Variants in AP1B1 observed in about 807,000 individuals in gnomAD.
AP1B1 encodes AP-1 complex subunit beta-1.
Under a neutral mutation model 104.3 loss-of-function variants are expected in AP1B1, and 36 were observed. That is an observed-to-expected ratio of 0.35 (90% CI 0.26 to 0.46). AP1B1 has a LOEUF of 0.46. Among genes scored for constraint, AP1B1 ranks in the 20% least tolerant of loss-of-function variants. The pLI is 1.00. For missense variants in AP1B1, 901 were observed against 1,247.9 expected (o/e 0.72, Z 4.19); for synonymous variants, 504 against 517.5 (o/e 0.97, Z 0.35).
chr22:29,351,747 C>T lies in AP1B1; in HGVS notation c.1017G>A (p.Leu339=). The change falls in exon 8 of 23, where the codon CTG becomes CTA. Residue 339 remains leucine (L), a synonymous_variant. Coordinates refer to ENST00000357586, the MANE Select transcript of AP1B1 (RefSeq NM_001127.4). Reference sequence around the variant, plus strand: ...GAGAGGCCAGGCGGATCATGATGTCCAGCTTCTCCAGCTTCACGTAGATAG... The same window carrying T: ...GAGAGGCCAGGCGGATCATGATGTCTAGCTTCTCCAGCTTCACGTAGATAG... ...NDPIYVKLEK[L]DIMIRLASQA... 3 of 1,614,178 alleles carry T rather than the reference C, an allele frequency of 1.9e-6. No individual in the cohort carries two copies. In the South Asian group the frequency reaches 3.3e-5, roughly 18 times the overall value.
Position 29,388,527 on chromosome 22 carries a change from G to A in AP1B1, c.-131C>T, listed in dbSNP as rs1024595474. 1.3e-5 allele frequency: 2 copies of A among 152,170 alleles called. No individual in the cohort carries two copies. Among genetic ancestry groups the A allele is most frequent in the Non-Finnish European group, 2.9e-5 (2 of 68,038 alleles). The allele number at this position is 152,170 out of a possible 1,614,324, so 9.4% of individuals were successfully genotyped here. A position where few individuals can be genotyped will look rare whatever the true frequency, so the allele number is the denominator to read the frequency against. ...CTCCCGGTGCGTCCGGGCTGCCGGCGGCTCGGAGCCCCGCGGCTGTCACCT... is the reference window on the plus strand; with the variant it reads ...CTCCCGGTGCGTCCGGGCTGCCGGCAGCTCGGAGCCCCGCGGCTGTCACCT... On this transcript the variant is annotated 5_prime_UTR_variant, in exon 1 of 23. Coordinates refer to ENST00000357586, the MANE Select transcript of AP1B1 (RefSeq NM_001127.4).
At chr22:29,378,799 CA>C (rs905203101) in intron 1 of AP1B1, among the ~76,000 whole-genome samples, 1 of 144,972 alleles carries the variant, frequency 6.9e-6, no homozygotes, top group Admixed American at 7.2e-5. Flanking sequence ...GCGGAGCTTG[CA>C]GTGAGCTGAG....
intron 2 of AP1B1, among the ~76,000 whole-genome samples, 189 bp from the exon 3 acceptor site, chr22:29,363,295 A>T (rs1265321258): frequency 6.6e-6 from 1 of 152,172 alleles, no homozygotes; most frequent in African/African-American, 2.4e-5. Context: ...GACAGGAATT[A>T]ACAAGATGGA....
rs2061557149 is a variant in AP1B1, at chr22:29,331,514, ATGT to A, written c.2456_2458del (p.Asn819del). On this transcript the variant is annotated inframe_deletion, in exon 19 of 23. Transcript: ENST00000357586. ...CAAGGTGCTGAAGTAGAAGACATCG[ATGT>A]TGTTCTTCACGGCCACCTAGGCACA... The A allele has an allele frequency of 6.2e-7, 1 of 1,614,126 alleles. No individual in the cohort carries two copies. Among genetic ancestry groups the A allele is most frequent in the Non-Finnish European group, 8.5e-7 (1 of 1,180,020 alleles).
chr22:29,363,697 C>T (rs2062087610), intron 2 of AP1B1, among the ~76,000 whole-genome samples: 1 of 151,752 alleles, frequency 6.6e-6, no homozygotes, highest in South Asian at 2.1e-4. Context: ...AGTTTGAGAT[C>T]AGCCTGGGTA....
At chr22:29,360,278 C>A (rs1244593709) in intron 3 of AP1B1, among the ~76,000 whole-genome samples, 1 of 152,192 alleles carries the variant, frequency 6.6e-6, no homozygotes, top group Non-Finnish European at 1.5e-5. Context: ...CCTTTGTCAC[C>A]TGCCCCCTCG....
At position 29,339,321 on chromosome 22, in the gene AP1B1, C is replaced by T. The variant is rs3747146; in HGVS notation, c.2020-188G>A. ...GTGGAGAAGAGAGGCTGAGCCCTCC[C>T]GTGCCCTGCAAGCCTTGAGCCTTAG... is the stretch of plus-strand genomic sequence containing the variant. On this transcript the variant is annotated intron_variant, in intron 15 of 22. Coordinates refer to ENST00000357586, the MANE Select transcript of AP1B1 (RefSeq NM_001127.4). Among the ~76,000 whole-genome samples the T allele has an allele frequency of 0.2, 30,246 of 151,952 alleles. 3,219 individuals carry two copies. The highest frequency in any genetic ancestry group is 0.36 in the East Asian group (1,865 of 5,152).
chr22:29,369,844 T>C (rs2062203734), intron 1 of AP1B1, among the ~76,000 whole-genome samples: 3 of 151,420 alleles, frequency 2.0e-5, no homozygotes, highest in South Asian at 4.2e-4. Context: ...ACGATTTTTT[T>C]TTTTTTTTTT....
rs754230380 is a variant in AP1B1, at chr22:29,350,137, C to T, written c.1169G>A (p.Arg390His). 17 of 1,613,900 alleles carry T rather than the reference C, an allele frequency of 1.1e-5. No homozygotes were observed. Among genetic ancestry groups the T allele is most frequent in the Non-Finnish European group, 1.3e-5 (15 of 1,179,924 alleles). Residue 390 changes from arginine (R) to histidine (H), a missense_variant, in exon 10 of 23, where the codon CGC (arginine) becomes CAC (histidine). Arg to His is a conservative substitution (Grantham distance 29, BLOSUM62 0). Transcript: ENST00000357586. ...CAIKVEQSAE[R>H]CVSTLLDLIQ... ...GAGGTCGAGCAGCGTGCTCACACAGCGCTCCGCAGATTGCTGCATGGGAAG... is the reference window on the plus strand; with the variant it reads ...GAGGTCGAGCAGCGTGCTCACACAGTGCTCCGCAGATTGCTGCATGGGAAG...
intron 16 of AP1B1, among the ~76,000 whole-genome samples, chr22:29,335,721 C>T (rs1303218703): frequency 6.6e-6 from 1 of 152,200 alleles, no homozygotes. Context: ...CCCATCTGCT[C>T]CCCAGGCTTG....
At chr22:29,362,131 C>G (rs2148009626) in intron 3 of AP1B1, among the ~76,000 whole-genome samples, 1 of 152,282 alleles carries the variant, frequency 6.6e-6, no homozygotes, top group African/African-American at 2.4e-5. Context: ...AGCTGGGTCA[C>G]TGGGCGCTCC....
chr22:29,351,756 C>T lies in AP1B1; in HGVS notation c.1008G>A (p.Leu336=), dbSNP rs2061878707. ...VKYNDPIYVK[L]EKLDIMIRLA... is the part of the protein sequence containing the mutation. ...GGCGGATCATGATGTCCAGCTTCTCCAGCTTCACGTAGATAGGGTCGTTGT... is the reference window on the plus strand; with the variant it reads ...GGCGGATCATGATGTCCAGCTTCTCTAGCTTCACGTAGATAGGGTCGTTGT... The change falls in exon 8 of 23, where the codon CTG becomes CTA. Residue 336 remains leucine, a synonymous_variant. Transcript: ENST00000357586. 1.9e-6 allele frequency: 3 copies of T among 1,614,202 alleles called. No homozygotes were observed. The highest frequency in any genetic ancestry group is 2.5e-6 in the Non-Finnish European group (3 of 1,180,036).
chr22:29,356,895 AGC>A (rs1263091396), intron 5 of AP1B1, among the ~76,000 whole-genome samples: 2 of 152,210 alleles, frequency 1.3e-5, no homozygotes, highest in African/African-American at 4.8e-5. Flanking sequence ...CTAACACAGC[AGC>A]GCCTGTCTAC....
rs1210939109 is a variant in AP1B1 at position 29,360,073 on chromosome 22, C to T, written c.144-114G>A. Reference sequence around the variant, plus strand: ...GTGGGTAGGAGAGAAAGGAGAGACACACTGGACTTCCTGGTAAAAGGGAGG... The same window carrying T: ...GTGGGTAGGAGAGAAAGGAGAGACATACTGGACTTCCTGGTAAAAGGGAGG... On this transcript the variant is annotated intron_variant, in intron 3 of 22. Transcript: ENST00000357586. 7 of 1,177,498 alleles carry T rather than the reference C, an allele frequency of 5.9e-6. No individual in the cohort carries two copies. In the African/African-American group the frequency reaches 6.2e-5, roughly 10 times the overall value. 72.9% of individuals were successfully genotyped at this position (1,177,498 alleles called of 1,614,324 possible).
chr22:29,329,933 G>A (rs1367419666), intron 21 of AP1B1: 21 of 1,427,684 alleles, frequency 1.5e-5, no homozygotes, highest in South Asian at 4.5e-5. Flanking sequence ...CTGGAACAGC[G>A]GTGCAGGCCT....
chr22:29,334,292 T>C lies in AP1B1; in HGVS notation c.2282A>G (p.Asp761Gly). 6.2e-7 allele frequency: 1 copy of C among 1,605,236 alleles called. No homozygotes were observed. The highest frequency in any genetic ancestry group is 1.1e-5 in the South Asian group (1 of 89,814). The change falls in exon 17 of 23, where the codon GAC becomes GGC. Residue 761 changes from aspartate to glycine, a missense_variant. Coordinates refer to ENST00000357586, the MANE Select transcript of AP1B1 (RefSeq NM_001127.4). ...LTNKALQVMTDFAIQFNRNSF... is the reference protein window; with the variant it reads ...LTNKALQVMTGFAIQFNRNSF... ...GTTGCGGTTGAACTGGATGGCAAAG[T>C]CGGTCATGACCTGCAAGGCCTTGTT...
chr22:29,365,252 AC>A (rs2062116524), intron 2 of AP1B1, among the ~76,000 whole-genome samples: 1 of 151,866 alleles, frequency 6.6e-6, no homozygotes, highest in Admixed American at 6.6e-5. Context: ...GCTTTCCTAA[AC>A]CTGTTTCCTT....
chr22:29,339,627 A>T, intron 15 of AP1B1, 127 bp downstream of exon 15: 1 of 1,008,050 alleles, frequency 9.9e-7, no homozygotes, highest in Non-Finnish European at 1.5e-6. Context: ...AGGATGCTGG[A>T]CCAAGGCAGG....
At chr22:29,382,284 T>C (rs1194542343) in intron 1 of AP1B1, among the ~76,000 whole-genome samples, 1 of 152,098 alleles carries the variant, frequency 6.6e-6, no homozygotes, top group Non-Finnish European at 1.5e-5. Flanking sequence ...TGGCCTCAAA[T>C]GATCCTCCCA....
Sources: allele counts gnomAD v4.1 joint callset (sites outside exome capture counted in the v4.1 genomes callset), GRCh38; gene constraint gnomAD v4.1.1; transcripts MANE v1.5; gene names NCBI Gene and HGNC (gene_info 2026-07-23, HGNC 2026-07-21).